The following MAST4 variants were observed in gnomAD, a reference collection of about 807,000 sequenced individuals.
MAST4 encodes the protein microtubule associated serine/threonine kinase family member 4.
MAST4 carries 89 observed loss-of-function variants against 162.7 expected under a neutral mutation model. The ratio of observed to expected loss-of-function variants is 0.55; its 90% CI spans 0.46 to 0.65. MAST4 has a LOEUF of 0.65. MAST4 is among the 30% of genes least tolerant of loss of function. The pLI is 0.00. For synonymous variants in MAST4, 1,479 were observed against 1,361.1 expected (o/e 1.09, Z -1.91); for missense variants, 3,153 against 3,374.0 (o/e 0.93, Z 1.62).
chr5:66,986,562 T>C (rs1410322112), intron 4 of MAST4: 1 of 749,126 alleles, frequency 1.3e-6, no homozygotes, highest in Non-Finnish European at 1.9e-6. Flanking sequence ...TGTCTTTCCA[T>C]ATAGACATAT....
chr5:66,913,326 A>G (rs997430557), intron 4 of MAST4, among the ~76,000 whole-genome samples: 5 of 151,168 alleles, frequency 3.3e-5, no homozygotes, highest in African/African-American at 1.2e-4. Flanking sequence ...TTCCATCCCT[A>G]AAAATTAGTT....
At chr5:66,974,289 G>T (rs1747839966) in intron 4 of MAST4, among the ~76,000 whole-genome samples, 2 of 152,166 alleles carry the variant, frequency 1.3e-5, no homozygotes. Flanking sequence ...TGAGTCCCTA[G>T]TATCTGGCAC....
intron 1 of MAST4, among the ~76,000 whole-genome samples, chr5:66,624,848 G>A (rs56201504): frequency 0.11 from 16,369 of 152,232 alleles, 1,075 homozygotes; most frequent in Middle Eastern, 0.16. Context: ...ACTGGTCACA[G>A]AAATCAACTC....
At chr5:67,078,305 C>T (rs1486891592) in intron 5 of MAST4, among the ~76,000 whole-genome samples, 1 of 140,918 alleles carries the variant, frequency 7.1e-6, no homozygotes, top group Non-Finnish European at 1.5e-5. Flanking sequence ...AACCAGTCTT[C>T]AATATATTGA....
intron 1 of MAST4, among the ~76,000 whole-genome samples, chr5:66,673,516 G>GT (rs1422436456): frequency 1.5e-4 from 20 of 134,778 alleles, no homozygotes; most frequent in Admixed American, 3.0e-4. Context: ...AGTTTTTTTT[G>GT]TTTTTTGTTT....
At chr5:66,615,095 A>G (rs528845217) in intron 1 of MAST4, among the ~76,000 whole-genome samples, 1 of 152,272 alleles carries the variant, frequency 6.6e-6, no homozygotes, top group Admixed American at 6.5e-5. Flanking sequence ...TGCTTTGTAA[A>G]AAGTTTAAAC....
intron 1 of MAST4, among the ~76,000 whole-genome samples, chr5:66,666,133 G>A (rs1269423125): frequency 6.6e-6 from 1 of 152,158 alleles, no homozygotes; most frequent in Non-Finnish European, 1.5e-5. Context: ...TAGTTATTCA[G>A]TATATTCCTG....
At chr5:67,093,349 T>G (rs1415300986) in intron 6 of MAST4, among the ~76,000 whole-genome samples, 1 of 152,204 alleles carries the variant, frequency 6.6e-6, no homozygotes, top group Non-Finnish European at 1.5e-5. Context: ...TGGTAACTAC[T>G]GCAAAGAAAA....
chr5:66,970,449 T>C (rs1274645975), intron 4 of MAST4, among the ~76,000 whole-genome samples: 3 of 152,310 alleles, frequency 2.0e-5, no homozygotes, highest in African/African-American at 4.8e-5. Context: ...GATGAAGTCT[T>C]GTGAGGTCAG....
intron 3 of MAST4, among the ~76,000 whole-genome samples, chr5:66,820,529 A>G (rs1436789964): frequency 6.6e-6 from 1 of 152,238 alleles, no homozygotes; most frequent in Non-Finnish European, 1.5e-5. Context: ...ATGAAGGGAC[A>G]TAATTGAAAA....
chr5:67,154,028 T>C (rs1279479206), intron 26 of MAST4, among the ~76,000 whole-genome samples: 3 of 152,230 alleles, frequency 2.0e-5, no homozygotes, highest in Admixed American at 6.5e-5. Context: ...TATATACACA[T>C]GTACTATAAA....
At chr5:67,136,809 A>G (rs1769709071) in intron 19 of MAST4, 145 bp downstream of exon 19, 4 of 603,300 alleles carry the variant, frequency 6.6e-6, no homozygotes, top group South Asian at 2.1e-5. Context: ...CATTATAGCA[A>G]TAATATTTTG....
rs578198505 is a variant in MAST4 at position 67,161,149 on chromosome 5, G to T, written c.3785+557G>T. 1.4e-3 allele frequency among the ~76,000 whole-genome samples: 211 copies of T among 152,354 alleles called. 1 individual carries two copies. The highest frequency in any genetic ancestry group is 4.8e-3 in the African/African-American group (199 of 41,590). On this transcript the variant is annotated intron_variant, in intron 27 of 28. Transcript: ENST00000403625. ...TGCTGCTTGCAGACACTAGCAAGAG[G>T]TATGTGTTTCTGGCAGGGCTGTTTC...
chr5:66,773,197 C>T (rs566406628), intron 2 of MAST4, among the ~76,000 whole-genome samples: 8 of 152,236 alleles, frequency 5.3e-5, no homozygotes, highest in Non-Finnish European at 7.4e-5. Flanking sequence ...TGCAACCAAC[C>T]GGGAAGTTGA....
intron 8 of MAST4, among the ~76,000 whole-genome samples, chr5:67,100,927 TAGA>T (rs1398206931): frequency 2.0e-5 from 3 of 152,324 alleles, no homozygotes; most frequent in East Asian, 3.9e-4. Context: ...TTCGTGGAAA[TAGA>T]AGGACAACAA....
intron 12 of MAST4, among the ~76,000 whole-genome samples, chr5:67,117,610 A>G (rs532376493): frequency 4.3e-4 from 66 of 152,046 alleles, no homozygotes; most frequent in African/African-American, 1.6e-3. Context: ...AAAAACTATG[A>G]CTTTTATTAT....
chr5:67,162,529 G>A (rs1773310200), intron 27 of MAST4, 78 bp from the exon 28 acceptor site: 1 of 1,355,406 alleles, frequency 7.4e-7, no homozygotes, highest in Admixed American at 1.8e-5. Context: ...GAGTTATTGA[G>A]CTGAGCACAA....
intron 1 of MAST4, among the ~76,000 whole-genome samples, chr5:66,720,668 G>A (rs1364631806): frequency 6.6e-6 from 1 of 152,012 alleles, no homozygotes; most frequent in Non-Finnish European, 1.5e-5. Context: ...CTGTTCCACT[G>A]TTTATATTCT....
chr5:66,728,500 A>G (rs960348816), intron 1 of MAST4, among the ~76,000 whole-genome samples: 1 of 152,296 alleles, frequency 6.6e-6, no homozygotes, highest in Admixed American at 6.5e-5. Context: ...ATTTTAATTT[A>G]CTTTTGCTAT....
Sources: gnomAD v4.1 joint callset for allele counts (sites outside exome capture counted in the v4.1 genomes callset) on GRCh38, gnomAD v4.1.1 for gene constraint, MANE v1.5 for transcripts, NCBI Gene and HGNC (gene_info 2026-07-23, HGNC 2026-07-21) for gene names.